ERICH1: variants seen among roughly 807,000 people sequenced by gnomAD.
ERICH1 encodes the protein glutamate-rich protein 1.
Under a neutral mutation model 39.6 loss-of-function variants are expected in ERICH1, and 56 were observed. The observed-to-expected ratio is 1.41, with a 90% CI of 1.14 to 1.77. The LOEUF is 1.77. Among genes scored for constraint, ERICH1 ranks in the 40% most tolerant of loss-of-function variants. The pLI, the probability that ERICH1 is intolerant of heterozygous loss-of-function variation, is 0.00. For synonymous variants in ERICH1, 313 were observed against 223.6 expected, an observed-to-expected ratio of 1.40 and a Z score of -3.57; for missense variants, 826 against 575.4, an observed-to-expected ratio of 1.44 and a Z score of -4.45.
intron 3 of ERICH1, among the ~76,000 whole-genome samples, chr8:636,602 C>T (rs984225778): frequency 6.6e-6 from 1 of 152,252 alleles, no homozygotes; most frequent in South Asian, 2.1e-4. Context: ...TCCACCAAAC[C>T]CTCAGCACTG....
chr8:638,001 G>A (rs1321011055), intron 3 of ERICH1, among the ~76,000 whole-genome samples: 2 of 152,246 alleles, frequency 1.3e-5, no homozygotes, highest in Non-Finnish European at 2.9e-5. Context: ...CTGCTTTGCA[G>A]GGGCAGGATT....
intron 3 of ERICH1, among the ~76,000 whole-genome samples, chr8:631,010 G>A (rs1302904845): frequency 6.7e-6 from 1 of 148,698 alleles, no homozygotes; most frequent in Non-Finnish European, 1.5e-5. Context: ...CAACCACGTG[G>A]ACAGAGCTGA....
intron 1 of ERICH1, among the ~76,000 whole-genome samples, chr8:720,212 G>C (rs1816972117): frequency 6.6e-6 from 1 of 152,192 alleles, no homozygotes; most frequent in South Asian, 2.1e-4. Context: ...AGAGGCAAAT[G>C]CAGGCCGCGC....
intron 3 of ERICH1, among the ~76,000 whole-genome samples, chr8:644,223 G>A (rs1277742154): frequency 6.6e-6 from 1 of 152,178 alleles, no homozygotes; most frequent in African/African-American, 2.4e-5. Context: ...TCCTGGCCCC[G>A]TCCTAAGGCG....
intron 3 of ERICH1, among the ~76,000 whole-genome samples, chr8:689,772 C>A (rs559225750): frequency 2.9e-4 from 44 of 152,212 alleles, no homozygotes; most frequent in Non-Finnish European, 5.4e-4. Flanking sequence ...ATGCGGTCTA[C>A]ACAGGAGAAG....
intron 3 of ERICH1, among the ~76,000 whole-genome samples, chr8:620,956 A>G (rs1326265677): frequency 3.9e-5 from 6 of 152,228 alleles, no homozygotes; most frequent in Non-Finnish European, 8.8e-5. Flanking sequence ...CACCAAAAAC[A>G]GCAGAATACA....
chr8:685,305 C>G (rs1563257104), intron 3 of ERICH1, among the ~76,000 whole-genome samples: 1 of 152,224 alleles, frequency 6.6e-6, no homozygotes, highest in East Asian at 1.9e-4. Flanking sequence ...CCCAGGCAGT[C>G]AGACCTAATG....
chr8:695,041 C>T (rs1809823444), intron 2 of ERICH1, among the ~76,000 whole-genome samples: 2 of 152,104 alleles, frequency 1.3e-5, no homozygotes, highest in South Asian at 2.1e-4. Flanking sequence ...TGGCTCGGAG[C>T]CCTAGGGTGA....
intron 2 of ERICH1, among the ~76,000 whole-genome samples, chr8:706,670 T>C (rs1229576943): frequency 6.6e-6 from 1 of 152,028 alleles, no homozygotes; most frequent in African/African-American, 2.4e-5. Flanking sequence ...TCCCAGCTAC[T>C]CAGGCTGGAG....
intron 3 of ERICH1, among the ~76,000 whole-genome samples, chr8:686,257 C>CT (rs1807343752): frequency 6.6e-6 from 1 of 152,126 alleles, no homozygotes. Context: ...ATAAATCACT[C>CT]TATTTTTGTA....
At chr8:629,318 CAGAG>C (rs1260894267) in intron 3 of ERICH1, among the ~76,000 whole-genome samples, 3 of 151,556 alleles carry the variant, frequency 2.0e-5, no homozygotes, top group South Asian at 2.1e-4. Flanking sequence ...TGACCACCCA[CAGAG>C]ACAGAGCTGA....
intron 3 of ERICH1, among the ~76,000 whole-genome samples, chr8:631,923 C>A (rs755702291): frequency 2.6e-4 from 39 of 152,222 alleles, no homozygotes; most frequent in South Asian, 2.5e-3. Context: ...GCCCATTCTC[C>A]GCTCTGGAAC....
intron 2 of ERICH1, among the ~76,000 whole-genome samples, chr8:713,480 A>C (rs1403268774): frequency 1.3e-5 from 2 of 152,216 alleles, no homozygotes; most frequent in Admixed American, 6.5e-5. Flanking sequence ...CCCATGGGAA[A>C]AGCATGCTTA....
intron 3 of ERICH1, among the ~76,000 whole-genome samples, chr8:687,135 G>C (rs76473848): frequency 6.6e-6 from 1 of 152,246 alleles, no homozygotes; most frequent in Non-Finnish European, 1.5e-5. Flanking sequence ...CAGAAGCCGT[G>C]AAGTTAGTAA....
intron 2 of ERICH1, among the ~76,000 whole-genome samples, chr8:704,138 A>C (rs565177339): frequency 4.6e-5 from 7 of 152,356 alleles, no homozygotes; most frequent in Non-Finnish European, 1.0e-4. Flanking sequence ...AAAAACTTTT[A>C]AGTACAAGAA....
At chr8:712,770 G>C (rs1815052206) in intron 2 of ERICH1, among the ~76,000 whole-genome samples, 1 of 152,196 alleles carries the variant, frequency 6.6e-6, no homozygotes. Context: ...TGACTTCCGT[G>C]TATTAACTTT....
At position 724,003 on chromosome 8, in the gene ERICH1, T is replaced by C. The variant is rs181201560; in HGVS notation, c.22+7137A>G. Among the ~76,000 whole-genome samples the C allele has an allele frequency of 5.9e-5, 9 of 152,240 alleles. No individual in the cohort carries two copies. The East Asian group carries it at 1.5e-3, about 26-fold the overall frequency. On this transcript the variant is annotated intron_variant, in intron 1 of 5. Transcript: ENST00000262109. Reference sequence around the variant, plus strand: ...AACAGAATGACAAATGGAAAAATAATTGGCTAATACTTAAGCAGAAGTGGG... The same window carrying C: ...AACAGAATGACAAATGGAAAAATAACTGGCTAATACTTAAGCAGAAGTGGG...
At chr8:657,107 G>C (rs939203176) in intron 3 of ERICH1, among the ~76,000 whole-genome samples, 2 of 152,176 alleles carry the variant, frequency 1.3e-5, no homozygotes, top group Non-Finnish European at 2.9e-5. Context: ...TTAAAGGTTG[G>C]TTGCAATGTG....
intron 1 of ERICH1, among the ~76,000 whole-genome samples, chr8:724,443 T>C (rs138246461): frequency 1.8e-3 from 281 of 152,288 alleles, no homozygotes; most frequent in Non-Finnish European, 3.2e-3. Context: ...GCGGCTGCAA[T>C]AGTTTTCATT....
Sources: gnomAD v4.1 joint callset for allele counts (sites outside exome capture counted in the v4.1 genomes callset) on GRCh38, gnomAD v4.1.1 for gene constraint, MANE v1.5 for transcripts, NCBI Gene and HGNC (gene_info 2026-07-23, HGNC 2026-07-21) for gene names.